Variants in MSI2 observed in about 807,000 individuals in gnomAD.
The protein encoded by MSI2 is musashi RNA binding protein 2.
Under a neutral mutation model 45.6 loss-of-function variants are expected in MSI2, and 17 were observed. That is an observed-to-expected ratio of 0.37 (90% CI 0.26 to 0.56). MSI2 has a LOEUF of 0.56. MSI2 is among the 20% of genes least tolerant of loss of function. The probability of loss-of-function intolerance (pLI) is 0.77; values close to 1 mark genes in which losing one functional copy is unlikely to be tolerated. For synonymous variants in MSI2, 156 were observed against 158.2 expected (o/e 0.99, Z 0.11); for missense variants, 293 against 444.2 (o/e 0.66, Z 3.06).
chr17:57,345,814 G>A (rs1439688250), intron 5 of MSI2, among the ~76,000 whole-genome samples: 10 of 101,214 alleles, frequency 9.9e-5, no homozygotes, highest in Middle Eastern at 4.4e-3. Flanking sequence ...GTGGGACTCC[G>A]TCTCAAAAAA....
chr17:57,474,461 C>G (rs2085499794), intron 6 of MSI2, among the ~76,000 whole-genome samples: 1 of 152,146 alleles, frequency 6.6e-6, no homozygotes, highest in Admixed American at 6.6e-5. Context: ...TGGGCACTGT[C>G]CTGTGCATTG....
rs1167807004 is a variant in MSI2 at position 57,407,476 on chromosome 17, G to T, written c.405+6005G>T. On this transcript the variant is annotated intron_variant, in intron 6 of 13. Transcript: ENST00000284073. This position sits in a 1 kb window ranked among gnomAD's most constrained non-coding sequence, Gnocchi z 4.1. ...CAGGTAGTGTTTTCTTGCTTTAAAT[G>T]TGTGTCGTAGATAAACAGAGCTCTG... Among the ~76,000 whole-genome samples the T allele has an allele frequency of 6.6e-6, 1 of 152,210 alleles. No homozygotes were observed. The highest frequency in any genetic ancestry group is 2.4e-5 in the African/African-American group (1 of 41,444).
intron 5 of MSI2, among the ~76,000 whole-genome samples, chr17:57,398,118 G>T (rs2083922992): frequency 6.6e-6 from 1 of 152,202 alleles, no homozygotes; most frequent in South Asian, 2.1e-4. Context: ...GGTGGAGGGT[G>T]TATGAAGAGA....
intron 5 of MSI2, among the ~76,000 whole-genome samples, chr17:57,313,363 C>G (rs1912569641): frequency 6.6e-6 from 1 of 152,222 alleles, no homozygotes; most frequent in African/African-American, 2.4e-5. Flanking sequence ...CCCTGCCCAG[C>G]ATTTAGTCAC....
At chr17:57,398,333 A>G (rs1030288288) in intron 5 of MSI2, among the ~76,000 whole-genome samples, 5 of 152,188 alleles carry the variant, frequency 3.3e-5, no homozygotes, top group Admixed American at 6.5e-5. Context: ...GAGTTTCTTC[A>G]AATTGAGAAC....
chr17:57,482,367 A>C (rs980173278), intron 6 of MSI2, among the ~76,000 whole-genome samples: 6 of 152,162 alleles, frequency 3.9e-5, no homozygotes. Context: ...GGCAAAGAAA[A>C]CTGCCTGCCG....
intron 6 of MSI2, among the ~76,000 whole-genome samples, chr17:57,504,156 C>T (rs889774759): frequency 3.3e-5 from 5 of 152,182 alleles, no homozygotes; most frequent in Non-Finnish European, 5.9e-5. Flanking sequence ...TGAAGGTGGC[C>T]GATGCCAGGG....
At chr17:57,269,956 A>T (rs965704566) in intron 5 of MSI2, among the ~76,000 whole-genome samples, 2 of 152,180 alleles carry the variant, frequency 1.3e-5, no homozygotes, top group Admixed American at 1.3e-4. Context: ...ATGTTGTAGC[A>T]GCAGCCTCAC....
intron 5 of MSI2, among the ~76,000 whole-genome samples, chr17:57,306,022 A>G (rs1328309701): frequency 6.6e-6 from 1 of 152,150 alleles, no homozygotes; most frequent in East Asian, 1.9e-4. Flanking sequence ...TGCCCCTAGG[A>G]CATGTCAGTG....
At chr17:57,460,666 C>T (rs1473301420) in intron 6 of MSI2, among the ~76,000 whole-genome samples, 7 of 151,950 alleles carry the variant, frequency 4.6e-5, no homozygotes, top group African/African-American at 1.5e-4. Context: ...CAAAGGGAGG[C>T]GAGGAACCAT....
chr17:57,649,497 A>G (rs1477903461), intron 10 of MSI2, among the ~76,000 whole-genome samples: 1 of 152,032 alleles, frequency 6.6e-6, no homozygotes, highest in Non-Finnish European at 1.5e-5. Flanking sequence ...CATACACCCA[A>G]CAAACACACA....
intron 6 of MSI2, among the ~76,000 whole-genome samples, chr17:57,425,775 A>G (rs1338179050): frequency 1.3e-5 from 2 of 152,232 alleles, no homozygotes; most frequent in African/African-American, 4.8e-5. Flanking sequence ...ACTTCTAGGA[A>G]TTTACAATAA....
intron 5 of MSI2, among the ~76,000 whole-genome samples, chr17:57,277,020 C>T (rs991492259): frequency 6.8e-6 from 1 of 147,896 alleles, no homozygotes. Flanking sequence ...GACCTTTCTT[C>T]TACGGACTGG....
rs1909539984 is a variant in MSI2, at chr17:57,633,023, C to T, written c.727+5720C>T. 12 of 1,043,622 alleles carry T rather than the reference C, an allele frequency of 1.1e-5. No individual in the cohort carries two copies. The East Asian group carries it at 6.2e-4, about 54-fold the overall frequency. The allele number at this position is 1,043,622 out of a possible 1,614,324, so 64.6% of individuals were successfully genotyped here. ...TTTTGTTTTGCTATGAATTGCTTTGCTTTGGTGAACTTGTCCTAGTATGCT... is the reference window on the plus strand; with the variant it reads ...TTTTGTTTTGCTATGAATTGCTTTGTTTTGGTGAACTTGTCCTAGTATGCT... On this transcript the variant is annotated intron_variant, in intron 10 of 13. Transcript: ENST00000284073.
At chr17:57,396,722 T>A (rs1450407499) in intron 5 of MSI2, among the ~76,000 whole-genome samples, 1 of 152,004 alleles carries the variant, frequency 6.6e-6, no homozygotes, top group Non-Finnish European at 1.5e-5. Context: ...AAATTACAGG[T>A]CTAGATGCAG....
At position 57,652,088 on chromosome 17, in the gene MSI2, C is replaced by G; in HGVS notation, c.728-11C>G. 6.2e-7 allele frequency: 1 copy of G among 1,613,962 alleles called. No homozygotes were observed. The highest frequency in any genetic ancestry group is 8.5e-7 in the Non-Finnish European group (1 of 1,179,860). ...TCCTCCATGACTCAGGCTCCTCTCTCTCCTGACCAGGCTTCCCAGCAGCGG... is the reference window on the plus strand; with the variant it reads ...TCCTCCATGACTCAGGCTCCTCTCTGTCCTGACCAGGCTTCCCAGCAGCGG... On this transcript the variant is annotated splice_polypyrimidine_tract_variant and intron_variant, in intron 10 of 13. Transcript: ENST00000284073. This position sits in a 1 kb window ranked among gnomAD's most constrained non-coding sequence, Gnocchi z 4.1.
At position 57,361,159 on chromosome 17, in the gene MSI2, G is replaced by A. The variant is rs765168544; in HGVS notation, c.313-40220G>A. On this transcript the variant is annotated intron_variant, in intron 5 of 13. Transcript: ENST00000284073. Reference sequence around the variant, plus strand: ...CCCCCCTGCACAGTTGAAAATCTGCGTATAACTTTTGAGTACCCCAAAATG... The same window carrying A: ...CCCCCCTGCACAGTTGAAAATCTGCATATAACTTTTGAGTACCCCAAAATG... Among the ~76,000 whole-genome samples, 90 of 152,184 alleles carry A rather than the reference G, an allele frequency of 5.9e-4. 2 individuals are homozygous for A. The highest frequency in any genetic ancestry group is 1.9e-3 in the Admixed American group (29 of 15,298).
intron 6 of MSI2, among the ~76,000 whole-genome samples, chr17:57,472,288 C>G (rs919683110): frequency 6.6e-6 from 1 of 152,214 alleles, no homozygotes; most frequent in Admixed American, 6.5e-5. Context: ...CACCTATGCT[C>G]AGTCCAGGGA....
At chr17:57,567,194 G>T (rs1030046483) in intron 7 of MSI2, among the ~76,000 whole-genome samples, 2 of 152,100 alleles carry the variant, frequency 1.3e-5, no homozygotes, top group Non-Finnish European at 2.9e-5. Flanking sequence ...CCGGAGTATC[G>T]CAGGGAGTAA....
Sources: allele counts gnomAD v4.1 joint callset (sites outside exome capture counted in the v4.1 genomes callset), GRCh38; gene constraint gnomAD v4.1.1; non-coding constraint Gnocchi (gnomAD v3.1); transcripts MANE v1.5; gene names NCBI Gene and HGNC (gene_info 2026-07-23, HGNC 2026-07-21).